Variants in SGCZ observed in about 807,000 individuals in gnomAD.
The protein encoded by SGCZ is zeta-sarcoglycan.
SGCZ carries 40 observed loss-of-function variants against 41.3 expected under a neutral mutation model. The observed-to-expected ratio is 0.97, with a 90% CI of 0.75 to 1.26. SGCZ has a LOEUF of 1.26. SGCZ is among the 50% of genes most tolerant of loss of function. The pLI is 0.00. For missense variants in SGCZ, 552 were observed against 369.8 expected (o/e 1.49, Z -4.04); for synonymous variants, 206 against 137.5 (o/e 1.50, Z -3.49).
At chr8:14,437,426 A>G (rs926124472) in intron 2 of SGCZ, among the ~76,000 whole-genome samples, 8 of 152,158 alleles carry the variant, frequency 5.3e-5, no homozygotes, top group Admixed American at 3.3e-4. Flanking sequence ...TCATATTGCA[A>G]TAGAAACAAA....
chr8:14,233,814 ATAGAT>A (rs1806658612), intron 4 of SGCZ, among the ~76,000 whole-genome samples: 4 of 151,746 alleles, frequency 2.6e-5, no homozygotes, highest in Admixed American at 2.6e-4. Context: ...CATAATAATT[ATAGAT>A]TAAATAGAAA....
chr8:14,466,106 A>G (rs1274551060), intron 2 of SGCZ, among the ~76,000 whole-genome samples: 2 of 151,824 alleles, frequency 1.3e-5, no homozygotes, highest in Non-Finnish European at 2.9e-5. Context: ...CTTTTATTCC[A>G]CCCTGATAGA....
intron 1 of SGCZ, among the ~76,000 whole-genome samples, chr8:14,913,565 T>C (rs1799340084): frequency 6.6e-6 from 1 of 152,124 alleles, no homozygotes; most frequent in Admixed American, 6.5e-5. Context: ...TGTTAAGATG[T>C]CTCTGCAACA....
At chr8:14,713,766 A>G (rs567831971) in intron 1 of SGCZ, among the ~76,000 whole-genome samples, 2 of 151,786 alleles carry the variant, frequency 1.3e-5, no homozygotes, top group Non-Finnish European at 2.9e-5. Flanking sequence ...CAATATAATT[A>G]TATTATTTAT....
intron 2 of SGCZ, among the ~76,000 whole-genome samples, chr8:14,345,430 G>GA (rs1204726544): frequency 1.3e-5 from 2 of 152,134 alleles, no homozygotes; most frequent in South Asian, 2.1e-4. Context: ...AATACACCCA[G>GA]AAAAAAATGT....
At chr8:15,059,192 G>A (rs746453966) in intron 1 of SGCZ, among the ~76,000 whole-genome samples, 16 of 151,886 alleles carry the variant, frequency 1.1e-4, no homozygotes, top group Non-Finnish European at 1.0e-4. Flanking sequence ...AGATATTCTC[G>A]ATTAAAATTT....
intron 1 of SGCZ, among the ~76,000 whole-genome samples, chr8:14,605,593 TCTAGTCTCTATCTCC>T (rs1195371674): frequency 6.6e-6 from 1 of 152,074 alleles, no homozygotes; most frequent in Non-Finnish European, 1.5e-5. Flanking sequence ...CAACCAACAT[TCTAGTCTCTATCTCC>T]CTAAGTTCAA....
intron 2 of SGCZ, among the ~76,000 whole-genome samples, chr8:14,519,133 T>A (rs550878304): frequency 6.6e-6 from 1 of 151,292 alleles, no homozygotes; most frequent in Non-Finnish European, 1.5e-5. Flanking sequence ...TTAGTTCTTA[T>A]AAGTTACTAG....
chr8:14,436,744 G>A (rs1048863002), intron 2 of SGCZ, among the ~76,000 whole-genome samples: 6 of 152,130 alleles, frequency 3.9e-5, no homozygotes, highest in Non-Finnish European at 5.9e-5. Flanking sequence ...GTTTTTTAAT[G>A]ACAAGTATGG....
chr8:15,043,518 T>A (rs1804185586), intron 1 of SGCZ, among the ~76,000 whole-genome samples: 1 of 152,112 alleles, frequency 6.6e-6, no homozygotes, highest in East Asian at 1.9e-4. Flanking sequence ...CTGAGTTAAA[T>A]TAGATAGTGC....
chr8:14,652,094 A>G lies in SGCZ; in HGVS notation c.40-97168T>C, dbSNP rs546179704. Among the ~76,000 whole-genome samples the G allele has an allele frequency of 5.3e-4, 80 of 152,056 alleles. 2 individuals are homozygous for G. The South Asian group carries it at 0.013, about 25-fold the overall frequency. On this transcript the variant is annotated intron_variant, in intron 1 of 7. Coordinates refer to ENST00000382080, the MANE Select transcript of SGCZ (RefSeq NM_139167.4). The stretch of plus-strand genomic sequence containing the variant: ...CAAAACATGCTTTTCTGATCTCTCA[A>G]TGAGACGGATAGATGAATAAATGCA...
At chr8:14,150,261 A>T (rs1012689815) in intron 5 of SGCZ, among the ~76,000 whole-genome samples, 2 of 152,164 alleles carry the variant, frequency 1.3e-5, no homozygotes, top group African/African-American at 2.4e-5. Context: ...AACTGGGAGA[A>T]AATATTTGCA....
rs188148469 is a variant in SGCZ, at chr8:14,911,773, T to A, written c.39+325812A>T. Among the ~76,000 whole-genome samples, 602 of 152,044 alleles carry A rather than the reference T, an allele frequency of 4.0e-3. 2 individuals are homozygous for A. Among genetic ancestry groups the A allele is most frequent in the Non-Finnish European group, 6.8e-3 (464 of 67,864 alleles). On this transcript the variant is annotated intron_variant, in intron 1 of 7. Transcript: ENST00000382080. ...TGATTACCATTTTTACCTCTTTCAA[T>A]CTATTCCTTTCATTTATTTCCTCAA...
At chr8:15,186,222 A>G (rs171987) in intron 1 of SGCZ, among the ~76,000 whole-genome samples, 1 of 137,230 alleles carries the variant, frequency 7.3e-6, no homozygotes, top group Non-Finnish European at 1.5e-5. Context: ...AGATCGTGCC[A>G]CTGCACTCCA....
chr8:14,128,119 G>C (rs990436405), intron 5 of SGCZ, among the ~76,000 whole-genome samples: 1 of 152,176 alleles, frequency 6.6e-6, no homozygotes, highest in African/African-American at 2.4e-5. Context: ...AGAAAAAAAT[G>C]CTTATACACT....
chr8:14,131,142 C>A (rs1330011388), intron 5 of SGCZ, among the ~76,000 whole-genome samples: 9 of 152,130 alleles, frequency 5.9e-5, no homozygotes, highest in Admixed American at 5.9e-4. Flanking sequence ...GTGTCCACAT[C>A]CTTGATTTCC....
At chr8:14,441,474 C>G (rs904402201) in intron 2 of SGCZ, among the ~76,000 whole-genome samples, 3 of 152,148 alleles carry the variant, frequency 2.0e-5, no homozygotes, top group Admixed American at 2.0e-4. Context: ...ACTCAGGAGG[C>G]TAAGGCAGGA....
Position 14,707,159 on chromosome 8 carries a change from A to T in SGCZ, c.40-152233T>A, listed in dbSNP as rs183208305. Among the ~76,000 whole-genome samples, 568 of 148,484 alleles carry T rather than the reference A, an allele frequency of 3.8e-3. 4 individuals carry two copies. Among genetic ancestry groups the T allele is most frequent in the African/African-American group, 0.012 (509 of 40,754 alleles). ...ATTAACTCGTTATGGCATTACCTAT[A>T]TCTCCAAATACTAACCCTCCCCCCT... is the stretch of plus-strand genomic sequence containing the variant. On this transcript the variant is annotated intron_variant, in intron 1 of 7. Transcript: ENST00000382080.
intron 1 of SGCZ, among the ~76,000 whole-genome samples, chr8:14,602,158 T>A (rs1805614736): frequency 6.6e-6 from 1 of 151,860 alleles, no homozygotes; most frequent in Non-Finnish European, 1.5e-5. Context: ...AATAAAAAAG[T>A]ATGATGTGGA....
Sources: allele counts gnomAD v4.1 joint callset (sites outside exome capture counted in the v4.1 genomes callset), GRCh38; gene constraint gnomAD v4.1.1; transcripts MANE v1.5; gene names NCBI Gene and HGNC (gene_info 2026-07-23, HGNC 2026-07-21).